Variants in VIL1 observed in about 807,000 individuals in gnomAD.
The protein encoded by VIL1 is villin 1, also known as villin-1.
VIL1 carries 86 observed loss-of-function variants against 104.0 expected under a neutral mutation model. That is an observed-to-expected ratio of 0.83 (90% CI 0.69 to 0.99). The LOEUF (loss-of-function observed/expected upper bound fraction) is 0.99. Among genes scored for constraint, VIL1 ranks in the 50% least tolerant of loss-of-function variants. The probability of loss-of-function intolerance (pLI) is 0.00; values close to 1 mark genes in which losing one functional copy is unlikely to be tolerated. For synonymous variants in VIL1, 394 were observed against 412.6 expected (o/e 0.95, Z 0.55); for missense variants, 944 against 1,054.1 (o/e 0.90, Z 1.45).
intron 5 of VIL1, 62 bp downstream of exon 5, chr2:218,428,135 T>TGAG (rs1241949766): frequency 1.4e-5 from 22 of 1,596,008 alleles, no homozygotes; most frequent in Non-Finnish European, 1.9e-5. Context: ...GGGCAGGGGC[T>TGAG]GAGGAGGGGT....
At chr2:218,427,063 T>C (rs1689014385) in intron 4 of VIL1, among the ~76,000 whole-genome samples, 1 of 152,174 alleles carries the variant, frequency 6.6e-6, no homozygotes, top group Admixed American at 6.5e-5. Flanking sequence ...ACTGCTGGCT[T>C]TTCTATACAA....
chr2:218,445,489 G>A lies in VIL1; in HGVS notation c.2371-3734G>A, dbSNP rs553299652. ...CTCAGGGAGTGGGGAAGGCTTCCAG[G>A]AACCTTAAGGAGAGAATGCCCAGGG... On this transcript the variant is annotated intron_variant, in intron 19 of 19. Coordinates refer to ENST00000248444, the MANE Select transcript of VIL1 (RefSeq NM_007127.3). Among the ~76,000 whole-genome samples the A allele has an allele frequency of 1.8e-3, 273 of 152,208 alleles. 2 individuals carry two copies. The highest frequency in any genetic ancestry group is 3.1e-3 in the Non-Finnish European group (211 of 68,002).
intron 9 of VIL1, 39 bp downstream of exon 9, chr2:218,429,986 G>A: frequency 6.4e-7 from 1 of 1,558,738 alleles, no homozygotes; most frequent in Non-Finnish European, 8.8e-7. Flanking sequence ...GAGGAGGGCA[G>A]AGTGATGGGA....
intron 13 of VIL1, among the ~76,000 whole-genome samples, chr2:218,433,744 T>C (rs928350552): frequency 1.3e-5 from 2 of 151,906 alleles, no homozygotes; most frequent in Non-Finnish European, 2.9e-5. Flanking sequence ...CTGTCTCTAC[T>C]AAAAATACAA....
intron 14 of VIL1, 149 bp from the exon 15 acceptor site, chr2:218,435,140 A>C (rs974994732): frequency 7.3e-6 from 8 of 1,089,148 alleles, no homozygotes; most frequent in African/African-American, 1.6e-5. Context: ...AGGACAGAAG[A>C]AAGCATGGAA....
intron 4 of VIL1, 33 bp downstream of exon 4, chr2:218,425,844 A>T: frequency 6.3e-7 from 1 of 1,579,026 alleles, no homozygotes; most frequent in South Asian, 1.2e-5. Flanking sequence ...CGGGGGAATG[A>T]GGATGAGTGG....
chr2:218,440,200 T>G (rs75812705), intron 18 of VIL1, among the ~76,000 whole-genome samples: 521 of 152,338 alleles, frequency 3.4e-3, no homozygotes, highest in African/African-American at 0.011. Context: ...ATGGGAAAGT[T>G]AATGAATCGT....
At chr2:218,426,307 T>C (rs888185986) in intron 4 of VIL1, among the ~76,000 whole-genome samples, 1 of 151,810 alleles carries the variant, frequency 6.6e-6, no homozygotes, top group African/African-American at 2.4e-5. Flanking sequence ...CAGGCTGGAG[T>C]ACAGTGGCAC....
At chr2:218,445,684 A>G (rs1689353161) in intron 19 of VIL1, among the ~76,000 whole-genome samples, 1 of 152,118 alleles carries the variant, frequency 6.6e-6, no homozygotes, top group East Asian at 1.9e-4. Flanking sequence ...TAAGTATTAA[A>G]GGAAACCCAC....
intron 17 of VIL1, 145 bp from the exon 18 acceptor site, chr2:218,438,512 TC>T (rs2106395508): frequency 2.9e-6 from 2 of 698,690 alleles, no homozygotes; most frequent in East Asian, 2.8e-5. Context: ...TCAGGGACCC[TC>T]CTCCAGCCTC....
chr2:218,422,949 C>T (rs936082238), intron 1 of VIL1, among the ~76,000 whole-genome samples: 5 of 152,148 alleles, frequency 3.3e-5, no homozygotes, highest in African/African-American at 1.2e-4. Flanking sequence ...ACCCATGCCT[C>T]ACCTCCCAAA....
chr2:218,421,848 C>T (rs1688902743), intron 1 of VIL1, among the ~76,000 whole-genome samples: 1 of 152,146 alleles, frequency 6.6e-6, no homozygotes, highest in South Asian at 2.1e-4. Context: ...TCAGCATGTC[C>T]CTGGGTGAGG....
At chr2:218,434,196 T>TAAAAAAAAAAA (rs1689146068) in intron 13 of VIL1, among the ~76,000 whole-genome samples, 3 of 59,600 alleles carry the variant, frequency 5.0e-5, no homozygotes, top group Non-Finnish European at 8.0e-5. Context: ...AAACTCCGTC[T>TAAAAAAAAAAA]CAAAAAAAAA....
intron 10 of VIL1, 162 bp downstream of exon 10, chr2:218,431,040 T>G: frequency 4.2e-6 from 4 of 951,376 alleles, no homozygotes; most frequent in Non-Finnish European, 6.2e-6. Context: ...GGACAAACTC[T>G]AGTTGTCACA....
chr2:218,426,831 T>C (rs1372373740), intron 4 of VIL1, among the ~76,000 whole-genome samples: 29 of 151,108 alleles, frequency 1.9e-4, no homozygotes, highest in Admixed American at 1.9e-3. Context: ...CTCAATCTCC[T>C]GACCTCATGA....
chr2:218,429,190 G>A (rs1057249574), intron 6 of VIL1, 95 bp from the exon 7 acceptor site: 3 of 1,412,836 alleles, frequency 2.1e-6, no homozygotes, highest in Non-Finnish European at 2.9e-6. Flanking sequence ...TGTGGCTGCT[G>A]TAGGTGGTCT....
chr2:218,430,042 C>G (rs1049206678), intron 9 of VIL1, 95 bp downstream of exon 9: 3 of 1,145,184 alleles, frequency 2.6e-6, no homozygotes, highest in Non-Finnish European at 3.8e-6. Flanking sequence ...AGGCTCAGAC[C>G]AGGGCATAGT....
Position 218,429,299 on chromosome 2 carries a change from C to G in VIL1, c.582C>G (p.Ala194=). The change falls in exon 7 of 20, where the codon GCC becomes GCG. Residue 194 remains alanine (A), a synonymous_variant. Transcript: ENST00000248444. ...CCTTCCTGCAGGGCATGACTCTGGC[C>G]AAGGAGATCCGAGACCAGGAGCGGG... ...RMERLRGMTL[A]KEIRDQERGG... is the part of the protein sequence containing the mutation. The G allele has an allele frequency of 6.2e-7, 1 of 1,613,212 alleles. No homozygotes were observed.
chr2:218,423,481 G>A (rs551979123), intron 1 of VIL1, among the ~76,000 whole-genome samples: 5 of 152,072 alleles, frequency 3.3e-5, no homozygotes, highest in Admixed American at 6.5e-5. Flanking sequence ...CCAGTTTAGC[G>A]GGCAGAGAGT....
Sources: gnomAD v4.1 joint callset for allele counts (sites outside exome capture counted in the v4.1 genomes callset) on GRCh38, gnomAD v4.1.1 for gene constraint, MANE v1.5 for transcripts, NCBI Gene and HGNC (gene_info 2026-07-23, HGNC 2026-07-21) for gene names.